Variants in UGDH observed in about 807,000 individuals in gnomAD.
UGDH encodes UDP-Glc dehydrogenase.
UGDH carries 38 observed loss-of-function variants against 50.6 expected under a neutral mutation model. The observed-to-expected ratio is 0.75, with a 90% CI of 0.58 to 0.98. UGDH has a LOEUF of 0.98. Ranked by LOEUF, UGDH falls within the 50% of genes least tolerant of loss-of-function variation. The probability of loss-of-function intolerance (pLI) is 0.00; values close to 1 mark genes in which losing one functional copy is unlikely to be tolerated. For synonymous variants in UGDH, 168 were observed against 199.9 expected (o/e 0.84, Z 1.35); for missense variants, 465 against 606.2 (o/e 0.77, Z 2.45).
At chr4:39,522,765 T>C (rs775770580) in intron 1 of UGDH, among the ~76,000 whole-genome samples, 16 of 90,926 alleles carry the variant, frequency 1.8e-4, no homozygotes, top group Non-Finnish European at 3.0e-4. Flanking sequence ...CCCTCATGAC[T>C]TTTTTTTTTT....
intron 3 of UGDH, among the ~76,000 whole-genome samples, chr4:39,511,802 T>C (rs1345905898): frequency 1.3e-5 from 2 of 150,236 alleles, no homozygotes; most frequent in South Asian, 2.1e-4. Context: ...CTCTGCTTCC[T>C]GGGTTCAAGC....
In UGDH at chr4:39,510,553, A is replaced by G; in HGVS notation, c.466-3T>C. The G allele has an allele frequency of 6.2e-7, 1 of 1,614,186 alleles. No homozygotes were observed. The highest frequency in any genetic ancestry group is 8.5e-7 in the Non-Finnish European group (1 of 1,180,010). The stretch of plus-strand genomic sequence containing the variant: ...AGAAACTCAGGGTTGGACAGCACCT[A>G]GAATCCCAATGCAAAGGAAAGTTTT... On this transcript the variant is annotated splice_polypyrimidine_tract_variant and splice_region_variant and intron_variant, in intron 4 of 11. Coordinates refer to ENST00000316423, the MANE Select transcript of UGDH (RefSeq NM_003359.4).
chr4:39,521,708 T>C (rs1746669938), intron 1 of UGDH, among the ~76,000 whole-genome samples, 189 bp from the exon 2 acceptor site: 2 of 152,244 alleles, frequency 1.3e-5, no homozygotes, highest in Non-Finnish European at 2.9e-5. Flanking sequence ...TGACCTAGCC[T>C]GTTCTCAGCT....
At chr4:39,521,544 T>A (rs754534682) in intron 1 of UGDH, 25 bp from the exon 2 acceptor site, 1 of 1,489,620 alleles carries the variant, frequency 6.7e-7, no homozygotes, top group South Asian at 1.4e-5. Flanking sequence ...GTAAGACTGT[T>A]CTAGTATTGA....
At chr4:39,506,839 A>T (rs1343726239) in intron 7 of UGDH, among the ~76,000 whole-genome samples, 1 of 152,162 alleles carries the variant, frequency 6.6e-6, no homozygotes. Context: ...CTGGAATGAC[A>T]CTAATTGTAT....
intron 6 of UGDH, among the ~76,000 whole-genome samples, 153 bp from the exon 7 acceptor site, chr4:39,508,813 A>G (rs948165763): frequency 7.9e-5 from 12 of 151,800 alleles, no homozygotes; most frequent in Non-Finnish European, 1.5e-4. Context: ...AAATTATGTA[A>G]AATTTGCAGG....
intron 11 of UGDH, among the ~76,000 whole-genome samples, chr4:39,502,717 G>A (rs1298228448): frequency 6.6e-6 from 1 of 152,170 alleles, no homozygotes; most frequent in African/African-American, 2.4e-5. Context: ...GGAGGCTTCT[G>A]TCAGCTTTCC....
At chr4:39,502,410 C>T (rs1745851983) in intron 11 of UGDH, among the ~76,000 whole-genome samples, 1 of 152,128 alleles carries the variant, frequency 6.6e-6, no homozygotes, top group South Asian at 2.1e-4. Context: ...TTAAGAGAAC[C>T]AGATCAGATA....
chr4:39,501,330 A>G (rs1268587212), intron 11 of UGDH, among the ~76,000 whole-genome samples: 1 of 146,994 alleles, frequency 6.8e-6, no homozygotes, highest in Non-Finnish European at 1.5e-5. Flanking sequence ...GCTGGAGTGC[A>G]GTGGCGTGAT....
At chr4:39,516,247 G>A (rs945831543) in intron 2 of UGDH, among the ~76,000 whole-genome samples, 3 of 152,180 alleles carry the variant, frequency 2.0e-5, no homozygotes, top group Non-Finnish European at 4.4e-5. Context: ...TCGGGCCACT[G>A]CACTCCAGCC....
chr4:39,502,592 T>G (rs1012693724), intron 11 of UGDH, among the ~76,000 whole-genome samples: 1 of 152,130 alleles, frequency 6.6e-6, no homozygotes, highest in Non-Finnish European at 1.5e-5. Flanking sequence ...CTCCCCATCC[T>G]CCTATCCCCA....
At chr4:39,518,939 CAG>C (rs753739760) in intron 2 of UGDH, among the ~76,000 whole-genome samples, 2 of 152,150 alleles carry the variant, frequency 1.3e-5, no homozygotes, top group East Asian at 1.9e-4. Flanking sequence ...TATTTGGAGA[CAG>C]AGTTTCATTC....
intron 2 of UGDH, among the ~76,000 whole-genome samples, chr4:39,518,651 G>T (rs1746527230): frequency 6.6e-6 from 1 of 151,814 alleles, no homozygotes; most frequent in Non-Finnish European, 1.5e-5. Context: ...AAGGAACAGG[G>T]GTCTTGCAAT....
intron 2 of UGDH, among the ~76,000 whole-genome samples, chr4:39,517,204 A>ATTTT (rs202114945): frequency 7.1e-6 from 1 of 141,224 alleles, no homozygotes; most frequent in Admixed American, 7.1e-5. Context: ...TTACTACTAA[A>ATTTT]TTTTTTTTTT....
chr4:39,506,225 C>T (rs1303551842), intron 7 of UGDH, among the ~76,000 whole-genome samples: 1 of 57,420 alleles, frequency 1.7e-5, no homozygotes, highest in African/African-American at 8.3e-5. Context: ...CAGACCCTGC[C>T]GTAAATTTAA....
At position 39,500,126 on chromosome 4, in the gene UGDH, A is replaced by C; in HGVS notation, c.*17T>G. The C allele has an allele frequency of 6.7e-7, 1 of 1,481,964 alleles. No individual in the cohort carries two copies. 91.8% of individuals were successfully genotyped at this position (1,481,964 alleles called of 1,614,324 possible). A position where few individuals can be genotyped will look rare whatever the true frequency, so the allele number is the denominator to read the frequency against. ...CCAAAAAAAAAAAAAAAAAATCACAAATAAAAATGGCAATCTCTACACTTT... is the reference window on the plus strand; with the variant it reads ...CCAAAAAAAAAAAAAAAAAATCACACATAAAAATGGCAATCTCTACACTTT... On this transcript the variant is annotated 3_prime_UTR_variant, in exon 12 of 12. Transcript: ENST00000316423.
intron 11 of UGDH, 36 bp downstream of exon 11, chr4:39,503,835 CCAAA>C: frequency 1.9e-6 from 3 of 1,580,428 alleles, no homozygotes; most frequent in Non-Finnish European, 2.6e-6. Context: ...ACACTAAAGA[CCAAA>C]CAAAAAGAAA....
chr4:39,503,766 G>T, intron 11 of UGDH, 109 bp downstream of exon 11: 2 of 915,836 alleles, frequency 2.2e-6, no homozygotes, highest in Non-Finnish European at 3.3e-6. Context: ...ATTCTGACCT[G>T]CTGTGATGGT....
intron 11 of UGDH, among the ~76,000 whole-genome samples, chr4:39,501,514 C>A (rs936989253): frequency 1.3e-5 from 2 of 151,990 alleles, no homozygotes; most frequent in East Asian, 1.9e-4. Flanking sequence ...ACCTCATGAT[C>A]CGCCCGCCTC....
Sources: allele counts gnomAD v4.1 joint callset (sites outside exome capture counted in the v4.1 genomes callset), GRCh38; gene constraint gnomAD v4.1.1; transcripts MANE v1.5; gene names NCBI Gene and HGNC (gene_info 2026-07-23, HGNC 2026-07-21).